Variants in HOOK3 observed in about 807,000 individuals in gnomAD.
HOOK3 encodes hook microtubule tethering protein 3.
In HOOK3, 24 loss-of-function variants were observed where a neutral mutation model predicts 116.3. The ratio of observed to expected loss-of-function variants is 0.21; its 90% CI spans 0.15 to 0.29. The LOEUF is 0.29. Ranked by LOEUF, HOOK3 falls within the 10% of genes least tolerant of loss-of-function variation. HOOK3 has a pLI of 1.00. For missense variants in HOOK3, 632 were observed against 830.2 expected (o/e 0.76, Z 2.93); for synonymous variants, 275 against 283.0 (o/e 0.97, Z 0.28).
rs1809844547 is a variant in HOOK3, at chr8:43,022,270, T to C, written c.*3772T>C. On this transcript the variant is annotated 3_prime_UTR_variant, in exon 22 of 22. Transcript: ENST00000307602. ...GATTCGTGATGTTGTCTGGTCTATC[T>C]GGAAATTTAAAGTCACTAGGAGCTT... 9.6e-6 allele frequency: 2 copies of C among 208,574 alleles called. No individual in the cohort carries two copies. Among genetic ancestry groups the C allele is most frequent in the African/African-American group, 4.6e-5 (2 of 43,908 alleles). The allele number at this position is 208,574 out of a possible 1,614,324, so 12.9% of individuals were successfully genotyped here. A position where few individuals can be genotyped will look rare whatever the true frequency, so the allele number is the denominator to read the frequency against.
At position 43,021,104 on chromosome 8, in the gene HOOK3, G is replaced by GAAAAAAAAAA. The variant is rs34161624; in HGVS notation, c.*2626_*2635dup. 3.1e-5 allele frequency: 1 copy of GAAAAAAAAAA among 32,252 alleles called. No homozygotes were observed. Among genetic ancestry groups the GAAAAAAAAAA allele is most frequent in the Non-Finnish European group, 7.4e-5 (1 of 13,486 alleles). 2.0% of individuals were successfully genotyped at this position (32,252 alleles called of 1,614,324 possible). A position where few individuals can be genotyped will look rare whatever the true frequency, so the allele number is the denominator to read the frequency against. On this transcript the variant is annotated 3_prime_UTR_variant, in exon 22 of 22. Coordinates refer to ENST00000307602, the MANE Select transcript of HOOK3 (RefSeq NM_032410.4). ...CGACAAGAGCGAAACTCTGTCGCAA[G>GAAAAAAAAAA]AAAAAAAAAAAAAAAAAAAAAAAAA...
At chr8:43,011,835 C>T (rs918804483) in intron 19 of HOOK3, among the ~76,000 whole-genome samples, 14 of 152,178 alleles carry the variant, frequency 9.2e-5, no homozygotes, top group Admixed American at 6.5e-4. Flanking sequence ...GCTATGATCA[C>T]ATCACCGCAC....
chr8:42,906,099 A>G (rs1807301788), intron 1 of HOOK3, 74 bp from the exon 2 acceptor site: 1 of 864,194 alleles, frequency 1.2e-6, no homozygotes, highest in South Asian at 1.4e-5. Flanking sequence ...AAAAAAAAAA[A>G]AAAAAAGGCC....
chr8:43,012,236 T>C (rs1303357671), intron 19 of HOOK3, among the ~76,000 whole-genome samples: 1 of 152,238 alleles, frequency 6.6e-6, no homozygotes, highest in Non-Finnish European at 1.5e-5. Flanking sequence ...AGTGTACTTA[T>C]GCAAAACTGT....
intron 18 of HOOK3, among the ~76,000 whole-genome samples, chr8:43,009,374 C>T (rs1809558965): frequency 6.6e-6 from 1 of 151,478 alleles, no homozygotes; most frequent in South Asian, 2.1e-4. Flanking sequence ...CCACTGTGCT[C>T]CAGTGAGACT....
chr8:42,987,457 G>A (rs1328157879), intron 15 of HOOK3, among the ~76,000 whole-genome samples: 2 of 152,108 alleles, frequency 1.3e-5, no homozygotes, highest in Non-Finnish European at 2.9e-5. Context: ...AGTTGTTGTC[G>A]GGCTAATAGA....
intron 4 of HOOK3, among the ~76,000 whole-genome samples, chr8:42,936,439 G>A (rs1203717493): frequency 6.6e-6 from 1 of 152,188 alleles, no homozygotes; most frequent in African/African-American, 2.4e-5. Flanking sequence ...GAATAGGAGT[G>A]GTGAGAGAGG....
At chr8:42,945,437 G>A (rs1450293759) in intron 5 of HOOK3, among the ~76,000 whole-genome samples, 2 of 152,114 alleles carry the variant, frequency 1.3e-5, no homozygotes, top group Admixed American at 1.3e-4. Flanking sequence ...AGCCTCTTGA[G>A]TAGCTGGGAT....
chr8:42,967,804 T>A (rs1455870270), intron 10 of HOOK3, among the ~76,000 whole-genome samples: 1 of 151,654 alleles, frequency 6.6e-6, no homozygotes, highest in Non-Finnish European at 1.5e-5. Flanking sequence ...GGCTGCCCTC[T>A]CCTGCTTGGT....
At chr8:42,916,598 C>G (rs981248916) in intron 2 of HOOK3, among the ~76,000 whole-genome samples, 2 of 152,232 alleles carry the variant, frequency 1.3e-5, no homozygotes, top group African/African-American at 4.8e-5. Context: ...TGTGTGTTCA[C>G]CTCTTGAAAG....
intron 4 of HOOK3, among the ~76,000 whole-genome samples, chr8:42,931,274 T>C (rs1264797589): frequency 6.6e-6 from 1 of 152,188 alleles, no homozygotes; most frequent in African/African-American, 2.4e-5. Flanking sequence ...GAGCATGTGC[T>C]GTCTCAGCCA....
At position 43,021,100 on chromosome 8, in the gene HOOK3, G is replaced by A. The variant is rs1424865991; in HGVS notation, c.*2602G>A. The A allele has an allele frequency of 1.5e-5, 1 of 66,962 alleles. No individual in the cohort carries two copies. The highest frequency in any genetic ancestry group is 4.5e-4 in the East Asian group (1 of 2,202). The allele number at this position is 66,962 out of a possible 1,614,324, so 4.1% of individuals were successfully genotyped here. A position where few individuals can be genotyped will look rare whatever the true frequency, so the allele number is the denominator to read the frequency against. ...CTGGCGACAAGAGCGAAACTCTGTC[G>A]CAAGAAAAAAAAAAAAAAAAAAAAA... is the stretch of plus-strand genomic sequence containing the variant. On this transcript the variant is annotated 3_prime_UTR_variant, in exon 22 of 22. Transcript: ENST00000307602.
intron 13 of HOOK3, among the ~76,000 whole-genome samples, chr8:42,979,380 C>T (rs1563306162): frequency 6.6e-6 from 1 of 152,256 alleles, no homozygotes; most frequent in East Asian, 1.9e-4. Flanking sequence ...GAACTTAGAT[C>T]CTAAGGAGAA....
intron 8 of HOOK3, among the ~76,000 whole-genome samples, chr8:42,961,034 T>G (rs1334816610): frequency 6.6e-6 from 1 of 152,122 alleles, no homozygotes; most frequent in African/African-American, 2.4e-5. Context: ...AGCAGCTGTG[T>G]CACATGGCAA....
At chr8:43,005,199 C>CTCTCTCTA (rs151178560) in intron 17 of HOOK3, among the ~76,000 whole-genome samples, 12 of 95,238 alleles carry the variant, frequency 1.3e-4, no homozygotes, top group African/African-American at 3.9e-4. Context: ...CTCTCTCTCT[C>CTCTCTCTA]TATATATATA....
intron 13 of HOOK3, among the ~76,000 whole-genome samples, chr8:42,974,766 G>A (rs935679116): frequency 1.3e-5 from 2 of 152,186 alleles, no homozygotes; most frequent in Non-Finnish European, 2.9e-5. Context: ...CGCAAAAAGG[G>A]GAAGAGGAAT....
chr8:42,912,457 AG>A (rs1442164205), intron 2 of HOOK3, among the ~76,000 whole-genome samples: 1 of 152,216 alleles, frequency 6.6e-6, no homozygotes, highest in Non-Finnish European at 1.5e-5. Context: ...AGCAAAATTG[AG>A]TGGAAAAGAG....
intron 9 of HOOK3, among the ~76,000 whole-genome samples, chr8:42,966,074 CTT>C (rs572486319): frequency 3.3e-5 from 5 of 152,056 alleles, no homozygotes; most frequent in African/African-American, 1.2e-4. Flanking sequence ...ACTCTTCTCA[CTT>C]TTTTTGTTTT....
rs59033055 is a variant in HOOK3 at position 42,990,325 on chromosome 8, C to CTTT, written c.1532+3565_1532+3567dup. Among the ~76,000 whole-genome samples the CTTT allele has an allele frequency of 3.4e-4, 13 of 37,904 alleles. 5 individuals carry two copies. The highest frequency in any genetic ancestry group is 1.9e-3 in the South Asian group (2 of 1,036). 24.9% of individuals were successfully genotyped at this position (37,904 alleles called of 152,430 possible). On this transcript the variant is annotated intron_variant, in intron 15 of 21. Transcript: ENST00000307602. Reference sequence around the variant, plus strand: ...TTGAGAAATAAATATCTGTTTAGATCTTTTTTTTTTTTTTTTTTTTTTTTT... The same window carrying CTTT: ...TTGAGAAATAAATATCTGTTTAGATCTTTTTTTTTTTTTTTTTTTTTTTTTTTT...
Sources: gnomAD v4.1 joint callset for allele counts (sites outside exome capture counted in the v4.1 genomes callset) on GRCh38, gnomAD v4.1.1 for gene constraint, MANE v1.5 for transcripts, NCBI Gene and HGNC (gene_info 2026-07-23, HGNC 2026-07-21) for gene names.